Variants in DSCAML1 observed in about 807,000 individuals in gnomAD.
The protein encoded by DSCAML1 is cell adhesion molecule DSCAML1.
DSCAML1 carries 38 observed loss-of-function variants against 200.5 expected under a neutral mutation model. The observed-to-expected ratio is 0.19, with a 90% CI of 0.15 to 0.25. The LOEUF (loss-of-function observed/expected upper bound fraction) is 0.25. Ranked by LOEUF, DSCAML1 falls within the 10% of genes least tolerant of loss-of-function variation. The pLI is 1.00. For synonymous variants in DSCAML1, 1,215 were observed against 1,165.0 expected, an observed-to-expected ratio of 1.04 and a Z score of -0.87; for missense variants, 2,223 against 2,858.8, an observed-to-expected ratio of 0.78 and a Z score of 5.07.
chr11:117,804,987 G>A (rs1227581894), intron 1 of DSCAML1, among the ~76,000 whole-genome samples: 1 of 152,124 alleles, frequency 6.6e-6, no homozygotes, highest in African/African-American at 2.4e-5. Context: ...TGAGGTCTGA[G>A]CAGCTCCAGT....
Position 117,512,675 on chromosome 11 carries a change from CACACACACACAT to C in DSCAML1, c.1783+3780_1783+3791del, listed in dbSNP as rs1460375032. Among the ~76,000 whole-genome samples, 290 of 77,282 alleles carry C rather than the reference CACACACACACAT, an allele frequency of 3.8e-3. 2 individuals carry two copies. The highest frequency in any genetic ancestry group is 0.012 in the African/African-American group (252 of 20,690). The allele number at this position is 77,282 out of a possible 152,430, so 50.7% of individuals were successfully genotyped here. A position where few individuals can be genotyped will look rare whatever the true frequency, so the allele number is the denominator to read the frequency against. ...ACACACACACACACACACACACACA[CACACACACACAT>C]GCCTGCTATGCACAGCTTATGCTGG... On this transcript the variant is annotated intron_variant, in intron 8 of 32. Coordinates refer to ENST00000651296, the MANE Select transcript of DSCAML1 (RefSeq NM_020693.4).
chr11:117,731,104 A>C (rs1052032566), intron 3 of DSCAML1, among the ~76,000 whole-genome samples: 1 of 152,190 alleles, frequency 6.6e-6, no homozygotes, highest in South Asian at 2.1e-4. Flanking sequence ...ATATACTAAA[A>C]ACAATTCAAT....
chr11:117,622,360 A>G (rs1382770113), intron 3 of DSCAML1, among the ~76,000 whole-genome samples: 1 of 152,222 alleles, frequency 6.6e-6, no homozygotes, highest in Non-Finnish European at 1.5e-5. Flanking sequence ...TTCCAGGAGC[A>G]GGGGCAGGTT....
intron 3 of DSCAML1, among the ~76,000 whole-genome samples, chr11:117,767,069 G>A (rs1422720245): frequency 2.0e-5 from 3 of 152,134 alleles, no homozygotes; most frequent in African/African-American, 7.2e-5. Context: ...CCGCAGATGT[G>A]TTTGGGAGGA....
At chr11:117,613,455 T>C (rs1273463317) in intron 3 of DSCAML1, among the ~76,000 whole-genome samples, 1 of 152,116 alleles carries the variant, frequency 6.6e-6, no homozygotes, top group Non-Finnish European at 1.5e-5. Context: ...CTCTTCTCCA[T>C]GCTCAAAAAA....
chr11:117,757,977 GA>G (rs1316604747), intron 3 of DSCAML1, among the ~76,000 whole-genome samples: 1 of 148,616 alleles, frequency 6.7e-6, no homozygotes, highest in Non-Finnish European at 1.5e-5. Flanking sequence ...TAACAAGAGC[GA>G]AACTTCACCT....
intron 3 of DSCAML1, among the ~76,000 whole-genome samples, chr11:117,761,955 T>C (rs2054811865): frequency 6.6e-6 from 1 of 152,218 alleles, no homozygotes; most frequent in South Asian, 2.1e-4. Context: ...GAGTCAGTTA[T>C]ATCAAGCTAT....
At chr11:117,530,755 A>G (rs7927088) in intron 4 of DSCAML1, among the ~76,000 whole-genome samples, 9,210 of 152,098 alleles carry the variant, frequency 0.061, 499 homozygotes, top group African/African-American at 0.14. Context: ...CACCAAACTC[A>G]GGGCAGAGCT....
intron 20 of DSCAML1, among the ~76,000 whole-genome samples, chr11:117,444,871 G>A (rs2048144982): frequency 6.6e-6 from 1 of 152,152 alleles, no homozygotes. Context: ...GCGGGATGGG[G>A]CTGACTTTCA....
intron 3 of DSCAML1, among the ~76,000 whole-genome samples, chr11:117,741,391 C>A (rs990001767): frequency 2.6e-5 from 4 of 152,252 alleles, no homozygotes; most frequent in Non-Finnish European, 5.9e-5. Context: ...AGGTTAAAGA[C>A]AATGGATTGT....
At chr11:117,809,457 C>T (rs1006895657) in intron 1 of DSCAML1, among the ~76,000 whole-genome samples, 3 of 152,244 alleles carry the variant, frequency 2.0e-5, no homozygotes, top group Admixed American at 6.5e-5. Flanking sequence ...TCCAGGCCTC[C>T]GCACTGGGAA....
At chr11:117,559,635 G>A (rs1184456116) in intron 3 of DSCAML1, among the ~76,000 whole-genome samples, 1 of 152,116 alleles carries the variant, frequency 6.6e-6, no homozygotes, top group Non-Finnish European at 1.5e-5. Context: ...CCCTCTCGTT[G>A]CAAATCTCAG....
chr11:117,643,483 G>C (rs542365871), intron 3 of DSCAML1, among the ~76,000 whole-genome samples: 1 of 152,176 alleles, frequency 6.6e-6, no homozygotes, highest in Admixed American at 6.5e-5. Flanking sequence ...TTCTGCAAAT[G>C]TACCTTTTAT....
intron 11 of DSCAML1, among the ~76,000 whole-genome samples, chr11:117,488,540 GAC>G (rs34469901): frequency 4.0e-5 from 6 of 151,048 alleles, no homozygotes; most frequent in African/African-American, 9.7e-5. Context: ...CACAGACACA[GAC>G]ACACACACAC....
chr11:117,505,536 G>A lies in DSCAML1; in HGVS notation c.1980C>T (p.Ser660=), dbSNP rs140236864. Residue 660 remains serine, a synonymous_variant, in exon 9 of 33, where the codon TCC becomes TCT. Coordinates refer to ENST00000651296, the MANE Select transcript of DSCAML1 (RefSeq NM_020693.4). This position sits in a 1 kb window ranked among gnomAD's most constrained non-coding sequence, Gnocchi z 6.7. ...ATGTATAGTTGCCGTTGTGCTTGAGGGAGACGCTAGAGATCTGCAGGGAGC... is the reference window on the plus strand; with the variant it reads ...ATGTATAGTTGCCGTTGTGCTTGAGAGAGACGCTAGAGATCTGCAGGGAGC... ...FMSSLQISSV[S]LKHNGNYTCI... is the part of the protein sequence containing the mutation. 500 of 1,613,576 alleles carry A rather than the reference G, an allele frequency of 3.1e-4. No homozygotes were observed. The African/African-American group carries it at 6.1e-3, about 20-fold the overall frequency.
chr11:117,778,082 C>T (rs1278992851), intron 2 of DSCAML1, among the ~76,000 whole-genome samples: 2 of 152,240 alleles, frequency 1.3e-5, no homozygotes, highest in Non-Finnish European at 2.9e-5. Flanking sequence ...CTGGCATCAT[C>T]AAGAGTCTCT....
intron 3 of DSCAML1, among the ~76,000 whole-genome samples, chr11:117,565,075 C>A (rs1294617211): frequency 6.6e-6 from 1 of 152,146 alleles, no homozygotes; most frequent in Non-Finnish European, 1.5e-5. Context: ...CCAAACCTCA[C>A]TTTCAATGAC....
chr11:117,584,920 A>G (rs1381755007), intron 3 of DSCAML1, among the ~76,000 whole-genome samples: 2 of 152,194 alleles, frequency 1.3e-5, no homozygotes, highest in Non-Finnish European at 2.9e-5. Context: ...CAAGGAAAGT[A>G]CTCAGAATGA....
intron 3 of DSCAML1, among the ~76,000 whole-genome samples, chr11:117,697,713 C>T (rs1356278614): frequency 6.6e-6 from 1 of 151,504 alleles, no homozygotes; most frequent in Non-Finnish European, 1.5e-5. Flanking sequence ...GTGACTGGCT[C>T]ATTTCACTTA....
Sources: allele counts gnomAD v4.1 joint callset (sites outside exome capture counted in the v4.1 genomes callset), GRCh38; gene constraint gnomAD v4.1.1; non-coding constraint Gnocchi (gnomAD v3.1); transcripts MANE v1.5; gene names NCBI Gene and HGNC (gene_info 2026-07-23, HGNC 2026-07-21).